TTC3: variants seen among roughly 807,000 people sequenced by gnomAD.
TTC3 encodes E3 ubiquitin-protein ligase TTC3.
In TTC3, 180 loss-of-function variants were observed where a neutral mutation model predicts 249.6. That is an observed-to-expected ratio of 0.72 (90% CI 0.64 to 0.82). The LOEUF is 0.82. Ranked by LOEUF, TTC3 falls within the 40% of genes least tolerant of loss-of-function variation. The probability of loss-of-function intolerance (pLI) is 0.00; values close to 1 mark genes in which losing one functional copy is unlikely to be tolerated. For missense variants in TTC3, 2,061 were observed against 2,398.4 expected (o/e 0.86, Z 2.94); for synonymous variants, 717 against 805.0 (o/e 0.89, Z 1.85).
chr21:37,104,463 G>T (rs2074851226), intron 10 of TTC3, among the ~76,000 whole-genome samples: 2 of 152,050 alleles, frequency 1.3e-5, no homozygotes, highest in African/African-American at 4.8e-5. Flanking sequence ...GGTGGTAGGT[G>T]CTTCTAATCT....
At chr21:37,170,188 C>G (rs1350028199) in intron 34 of TTC3, among the ~76,000 whole-genome samples, 2 of 152,028 alleles carry the variant, frequency 1.3e-5, no homozygotes, top group African/African-American at 4.8e-5. Flanking sequence ...ATACACATAT[C>G]AAAACACAGG....
intron 35 of TTC3, among the ~76,000 whole-genome samples, chr21:37,174,445 A>G (rs2082065260): frequency 4.6e-5 from 7 of 152,348 alleles, no homozygotes; most frequent in Admixed American, 3.9e-4. Context: ...ATTTAGCCAC[A>G]GTCATTTCTT....
At chr21:37,137,138 G>A (rs1261578342) in intron 18 of TTC3, among the ~76,000 whole-genome samples, 2 of 152,204 alleles carry the variant, frequency 1.3e-5, no homozygotes, top group African/African-American at 2.4e-5. Context: ...TGGTGTACAT[G>A]TACAAGGAGA....
chr21:37,191,222 GTGTA>G (rs757138809), intron 39 of TTC3, 108 bp from the exon 40 acceptor site: 6 of 668,646 alleles, frequency 9.0e-6, no homozygotes, highest in Non-Finnish European at 9.6e-6. Context: ...GGATTTTTGT[GTGTA>G]TGTGATTATG....
rs759107851 is a variant in TTC3 at position 37,150,891 on chromosome 21, T to C, written c.2276+7T>C. 1.3e-6 allele frequency: 2 copies of C among 1,585,314 alleles called. No homozygotes were observed. The highest frequency in any genetic ancestry group is 2.3e-5 in the South Asian group (2 of 88,668). ...TGAAACAGAAATGTTCTAGGTAAGA[T>C]TTTTAACAATCAATCAGTGGTTTGA... On this transcript the variant is annotated splice_region_variant and intron_variant, in intron 25 of 45. Transcript: ENST00000355666.
rs761636785 is a variant in TTC3 at position 37,150,846 on chromosome 21, G to T, written c.2238G>T (p.Lys746Asn). 9.9e-6 allele frequency: 16 copies of T among 1,611,160 alleles called. No individual in the cohort carries two copies. The Admixed American group carries it at 2.5e-4, about 25-fold the overall frequency. The change falls in exon 25 of 46, where the codon AAG (lysine) becomes AAT (asparagine). Residue 746 changes from lysine to asparagine, a missense_variant. Coordinates refer to ENST00000355666, the Ensembl canonical transcript of TTC3. Reference sequence around the variant, plus strand: ...TTGAACACAAGGTCATAAAAGAAAAGGTTCCTCCAAGACCTATTCTGAAAC... The same window carrying T: ...TTGAACACAAGGTCATAAAAGAAAATGTTCCTCCAAGACCTATTCTGAAAC...
At chr21:37,112,892 A>C (rs931571522) in intron 11 of TTC3, among the ~76,000 whole-genome samples, 39 of 152,186 alleles carry the variant, frequency 2.6e-4, no homozygotes, top group African/African-American at 9.4e-4. Context: ...TCAACATATG[A>C]AAATCAATAA....
intron 15 of TTC3, among the ~76,000 whole-genome samples, chr21:37,127,772 A>G (rs568759235): frequency 5.9e-5 from 9 of 152,246 alleles, no homozygotes; most frequent in Admixed American, 3.9e-4. Context: ...CTGCAGCTCC[A>G]TGTTCGCTCA....
intron 10 of TTC3, among the ~76,000 whole-genome samples, chr21:37,105,505 T>A (rs976649518): frequency 6.6e-6 from 1 of 152,172 alleles, no homozygotes; most frequent in Non-Finnish European, 1.5e-5. Flanking sequence ...CAACTTTGTC[T>A]TATGTCCTTT....
At chr21:37,194,748 G>A (rs940180384) in intron 41 of TTC3, 1 of 152,000 alleles carries the variant, frequency 6.6e-6, no homozygotes, top group African/African-American at 2.4e-5. Flanking sequence ...GGCATTCACT[G>A]GGGGGTCTCA....
chr21:37,106,307 T>C (rs2075071358), intron 10 of TTC3, among the ~76,000 whole-genome samples: 1 of 152,360 alleles, frequency 6.6e-6, no homozygotes, highest in East Asian at 1.9e-4. Flanking sequence ...ATTCTGAATA[T>C]GAGTCATTGG....
chr21:37,164,846 G>A (rs1601913157), intron 32 of TTC3, among the ~76,000 whole-genome samples: 1 of 152,266 alleles, frequency 6.6e-6, no homozygotes, highest in South Asian at 2.1e-4. Flanking sequence ...GTCTGTAATA[G>A]AGTATTAATT....
chr21:37,184,629 ATTT>A (rs765134090), intron 36 of TTC3, among the ~76,000 whole-genome samples: 1 of 121,576 alleles, frequency 8.2e-6, no homozygotes, highest in Non-Finnish European at 1.7e-5. Flanking sequence ...TAATTTTTCT[ATTT>A]TTTTTTTTTT....
intron 1 of TTC3, among the ~76,000 whole-genome samples, chr21:37,073,769 C>A (rs896155025): frequency 2.6e-5 from 4 of 152,154 alleles, no homozygotes; most frequent in Admixed American, 6.5e-5. Context: ...TGTCGGTGTC[C>A]GCGCTCCCTG....
intron 41 of TTC3, chr21:37,193,714 C>T (rs922683247): frequency 1.3e-5 from 2 of 152,214 alleles, no homozygotes; most frequent in African/African-American, 4.8e-5. Context: ...CTCATTCATT[C>T]ATTCGGTAAT....
At chr21:37,113,332 T>C (rs1308981138) in intron 11 of TTC3, among the ~76,000 whole-genome samples, 1 of 152,192 alleles carries the variant, frequency 6.6e-6, no homozygotes, top group Non-Finnish European at 1.5e-5. Flanking sequence ...ATAACCAACT[T>C]CAGCAAAGTC....
chr21:37,092,583 T>C (rs2073413679), intron 7 of TTC3, among the ~76,000 whole-genome samples: 1 of 152,226 alleles, frequency 6.6e-6, no homozygotes, highest in Non-Finnish European at 1.5e-5. Context: ...GTTTCTGCAG[T>C]ATAGTAAGTA....
intron 26 of TTC3, among the ~76,000 whole-genome samples, chr21:37,152,676 C>T (rs187634571): frequency 2.2e-4 from 34 of 152,184 alleles, no homozygotes; most frequent in Admixed American, 7.9e-4. Flanking sequence ...CCACGCCTGG[C>T]CTAGAGGAAC....
chr21:37,140,258 G>A (rs1042513764), intron 19 of TTC3, among the ~76,000 whole-genome samples: 12 of 152,076 alleles, frequency 7.9e-5, no homozygotes, highest in South Asian at 2.1e-4. Context: ...ACAAAAACAC[G>A]ATTTGACTCT....
Sources: gnomAD v4.1 joint callset for allele counts (sites outside exome capture counted in the v4.1 genomes callset) on GRCh38, gnomAD v4.1.1 for gene constraint, MANE v1.5 for transcripts, NCBI Gene and HGNC (gene_info 2026-07-23, HGNC 2026-07-21) for gene names.